The following TENM3 variants were observed in gnomAD, a reference collection of about 807,000 sequenced individuals.
TENM3 encodes teneurin-3.
A neutral mutation model predicts 255.1 loss-of-function variants in TENM3; 63 were observed. That is an observed-to-expected ratio of 0.25 (90% CI 0.20 to 0.30). The LOEUF is 0.30. Ranked by LOEUF, TENM3 falls within the 10% of genes least tolerant of loss-of-function variation. TENM3 has a pLI of 1.00. For synonymous variants in TENM3, 1,306 were observed against 1,322.3 expected (o/e 0.99, Z 0.27); for missense variants, 2,929 against 3,461.1 (o/e 0.85, Z 3.86).
At chr4:181,811,636 T>G in the TENM3 span, among the ~76,000 whole-genome samples, 1 of 152,150 alleles carries the variant, frequency 6.6e-6, no homozygotes, top group Admixed American at 6.5e-5. Context: ...AGACAAAGCA[T>G]GAGCAAAAGG....
In TENM3 at chr4:182,637,553, T is replaced by A. The variant is rs186175846; in HGVS notation, c.988+8664T>A. On this transcript the variant is annotated intron_variant, in intron 5 of 27. Coordinates refer to ENST00000511685, the MANE Select transcript of TENM3 (RefSeq NM_001080477.4). ...ATCTCTAAAAAATAAAAAATAGATT[T>A]AAAAAAATTCCAGTTTCTTCTTTAG... Among the ~76,000 whole-genome samples, 324 of 152,260 alleles carry A rather than the reference T, an allele frequency of 2.1e-3. 1 individual carries two copies. The highest frequency in any genetic ancestry group is 7.0e-3 in the African/African-American group (292 of 41,556).
intron 12 of TENM3, among the ~76,000 whole-genome samples, chr4:182,703,736 T>A (rs1359530317): frequency 6.6e-6 from 1 of 152,224 alleles, no homozygotes; most frequent in Non-Finnish European, 1.5e-5. Context: ...ATTTTCCAGT[T>A]ATGGTCAAGA....
At chr4:182,475,823 G>A (rs149336732) in intron 3 of TENM3, among the ~76,000 whole-genome samples, 406 of 151,794 alleles carry the variant, frequency 2.7e-3, no homozygotes, top group African/African-American at 9.1e-3. Context: ...GTCCATCTTC[G>A]TCTTTATTGG....
chr4:182,460,811 A>G (rs2151387562), intron 3 of TENM3, among the ~76,000 whole-genome samples: 1 of 152,330 alleles, frequency 6.6e-6, no homozygotes, highest in African/African-American at 2.4e-5. Context: ...AGTTGTACTT[A>G]GTCATGATTA....
the TENM3 span, among the ~76,000 whole-genome samples, chr4:181,870,164 C>T: frequency 6.6e-6 from 1 of 152,118 alleles, no homozygotes; most frequent in Admixed American, 6.5e-5. Context: ...AGTAGTCATA[C>T]ATTTATTTTT....
chr4:182,708,797 CAAA>C (rs530056176), intron 12 of TENM3, among the ~76,000 whole-genome samples: 1 of 104,410 alleles, frequency 9.6e-6, no homozygotes, highest in Non-Finnish European at 1.9e-5. Flanking sequence ...GACTCCGTCT[CAAA>C]AAAAAAAAAA....
the TENM3 span, among the ~76,000 whole-genome samples, chr4:181,748,494 G>A: frequency 6.6e-6 from 1 of 152,014 alleles, no homozygotes; most frequent in East Asian, 1.9e-4. Context: ...TTTATAGATG[G>A]TAGATGACTG....
the TENM3 span, among the ~76,000 whole-genome samples, chr4:181,617,351 G>A: frequency 6.6e-6 from 1 of 152,228 alleles, no homozygotes; most frequent in Non-Finnish European, 1.5e-5. Flanking sequence ...GCGTCATGAA[G>A]TAACTATACG....
intron 1 of TENM3, among the ~76,000 whole-genome samples, chr4:182,259,536 C>G (rs2150153004): frequency 6.6e-6 from 1 of 152,178 alleles, no homozygotes; most frequent in East Asian, 1.9e-4. Context: ...TGGTCTTGAA[C>G]TCCTAGACTC....
the TENM3 span, among the ~76,000 whole-genome samples, chr4:181,947,128 T>C: frequency 2.0e-5 from 3 of 152,214 alleles, no homozygotes; most frequent in Non-Finnish European, 4.4e-5. Context: ...ACTCAGTGCC[T>C]ACTGTGAGTC....
the TENM3 span, among the ~76,000 whole-genome samples, chr4:181,489,334 A>C: frequency 6.6e-6 from 1 of 152,200 alleles, no homozygotes; most frequent in Non-Finnish European, 1.5e-5. Flanking sequence ...AACTTCAAAA[A>C]TAGAGAAACC....
chr4:182,687,370 G>C (rs1046582836), intron 11 of TENM3, among the ~76,000 whole-genome samples: 1 of 152,000 alleles, frequency 6.6e-6, no homozygotes, highest in Non-Finnish European at 1.5e-5. Context: ...TTTTAAGAAA[G>C]CTTAAAATTT....
At chr4:181,635,223 T>C in the TENM3 span, among the ~76,000 whole-genome samples, 1 of 152,222 alleles carries the variant, frequency 6.6e-6, no homozygotes, top group East Asian at 1.9e-4. Context: ...AAATTTTTTA[T>C]TGTAATTATT....
chr4:182,382,933 T>C (rs1426658525), intron 3 of TENM3, among the ~76,000 whole-genome samples: 1 of 152,198 alleles, frequency 6.6e-6, no homozygotes, highest in Admixed American at 6.5e-5. Context: ...TAGTTCCATA[T>C]GAGGAATCCA....
At chr4:182,099,737 T>G in the TENM3 span, among the ~76,000 whole-genome samples, 1 of 152,168 alleles carries the variant, frequency 6.6e-6, no homozygotes, top group Non-Finnish European at 1.5e-5. Context: ...CTATCTTGAC[T>G]TTTAGAGAAA....
chr4:182,594,754 C>G (rs13142896), intron 3 of TENM3, among the ~76,000 whole-genome samples: 49,757 of 149,316 alleles, frequency 0.33, 9,621 homozygotes, highest in East Asian at 0.47. Context: ...GAGTCTTGCT[C>G]TGTTACCCAG....
intron 4 of TENM3, among the ~76,000 whole-genome samples, chr4:182,622,624 G>C (rs894801664): frequency 6.6e-6 from 1 of 152,138 alleles, no homozygotes; most frequent in African/African-American, 2.4e-5. Context: ...ACACATCCCA[G>C]GCTTGCTTTT....
the TENM3 span, among the ~76,000 whole-genome samples, chr4:181,928,657 T>C: frequency 6.6e-6 from 1 of 151,956 alleles, no homozygotes; most frequent in African/African-American, 2.4e-5. Context: ...CAGGCCAATA[T>C]TCAAACTCAG....
chr4:181,577,247 G>C, the TENM3 span, among the ~76,000 whole-genome samples: 1 of 140,056 alleles, frequency 7.1e-6, no homozygotes, highest in Non-Finnish European at 1.5e-5. Context: ...CTCCATGTTG[G>C]TCAGGCTGGT....
Sources: allele counts gnomAD v4.1 joint callset (sites outside exome capture counted in the v4.1 genomes callset), GRCh38; gene constraint gnomAD v4.1.1; transcripts MANE v1.5; gene names NCBI Gene and HGNC (gene_info 2026-07-23, HGNC 2026-07-21).